Variants in ATP1B3 observed in about 807,000 individuals in gnomAD.
ATP1B3 encodes ATPase Na+/K+ transporting subunit beta 3, also known as sodium/potassium-transporting ATPase subunit beta-3.
A neutral mutation model predicts 30.2 loss-of-function variants in ATP1B3; 10 were observed. That is an observed-to-expected ratio of 0.33 (90% confidence interval 0.20 to 0.56). The LOEUF (loss-of-function observed/expected upper bound fraction) is 0.56, where lower values mean the gene tolerates loss of function less well. Among genes scored for constraint, ATP1B3 ranks in the 20% least tolerant of loss-of-function variants. The probability of loss-of-function intolerance (pLI) is 0.90; values close to 1 mark genes in which losing one functional copy is unlikely to be tolerated. For missense variants in ATP1B3, 238 were observed against 336.7 expected (o/e 0.71, Z 2.29); for synonymous variants, 113 against 117.0 (o/e 0.97, Z 0.22).
intron 1 of ATP1B3, among the ~76,000 whole-genome samples, chr3:141,902,691 G>A (rs1300331887): frequency 1.3e-5 from 2 of 152,140 alleles, no homozygotes; most frequent in East Asian, 1.9e-4. Context: ...ATGTTGAAAC[G>A]TGTGTCTCCC....
intron 1 of ATP1B3, among the ~76,000 whole-genome samples, chr3:141,885,923 A>AC (rs1491135453): frequency 1.4e-5 from 2 of 140,986 alleles, no homozygotes; most frequent in Non-Finnish European, 3.1e-5. Flanking sequence ...ACACACACAC[A>AC]CCCCTGTAGT....
intron 1 of ATP1B3, among the ~76,000 whole-genome samples, chr3:141,887,341 GTTCTT>G (rs1933855786): frequency 6.6e-6 from 1 of 152,122 alleles, no homozygotes; most frequent in Admixed American, 6.5e-5. Flanking sequence ...TCTTGGCTTT[GTTCTT>G]TTCTTATAAC....
chr3:141,922,862 A>G (rs1398801001), intron 6 of ATP1B3, among the ~76,000 whole-genome samples: 1 of 152,012 alleles, frequency 6.6e-6, no homozygotes, highest in Admixed American at 6.6e-5. Context: ...GCTGCTCGAG[A>G]GGGTGAGGCA....
At chr3:141,877,360 C>T (rs895537524) in intron 1 of ATP1B3, among the ~76,000 whole-genome samples, 2 of 152,120 alleles carry the variant, frequency 1.3e-5, no homozygotes, top group Non-Finnish European at 2.9e-5. Context: ...CCAGACCCTG[C>T]CCCACTCCAG....
intron 5 of ATP1B3, chr3:141,916,556 CAAAT>C (rs1446451303): frequency 9.3e-6 from 12 of 1,287,834 alleles, no homozygotes; most frequent in Admixed American, 2.3e-5. Flanking sequence ...GCCACTAAGA[CAAAT>C]AATGTAAAAG....
intron 1 of ATP1B3, among the ~76,000 whole-genome samples, chr3:141,901,882 A>C (rs1934168678): frequency 6.6e-6 from 1 of 152,192 alleles, no homozygotes; most frequent in Admixed American, 6.5e-5. Context: ...ATGGGTCAAC[A>C]AACTACTGTG....
At chr3:141,900,680 A>G (rs1934146234) in intron 1 of ATP1B3, among the ~76,000 whole-genome samples, 1 of 152,112 alleles carries the variant, frequency 6.6e-6, no homozygotes, top group Admixed American at 6.6e-5. Context: ...TTGTACGCCC[A>G]GTGTGGTTGA....
intron 1 of ATP1B3, among the ~76,000 whole-genome samples, chr3:141,901,553 G>A (rs1377579742): frequency 6.6e-6 from 1 of 152,104 alleles, no homozygotes; most frequent in Admixed American, 6.5e-5. Flanking sequence ...ATGGCCACTA[G>A]TATATGGCAT....
intron 5 of ATP1B3, among the ~76,000 whole-genome samples, chr3:141,917,005 C>T (rs559622675): frequency 7.6e-4 from 111 of 146,338 alleles, no homozygotes; most frequent in African/African-American, 2.5e-3. Flanking sequence ...GGACTACAGG[C>T]GCTCCCGGCT....
intron 5 of ATP1B3, chr3:141,916,659 AT>A: frequency 1.0e-6 from 1 of 983,930 alleles, no homozygotes; most frequent in South Asian, 1.4e-5. Flanking sequence ...TGGCAGAAAT[AT>A]TTTACTTAGA....
At chr3:141,903,454 T>C (rs571993305) in intron 1 of ATP1B3, among the ~76,000 whole-genome samples, 166 bp from the exon 2 acceptor site, 1 of 152,304 alleles carries the variant, frequency 6.6e-6, no homozygotes, top group East Asian at 1.9e-4. Flanking sequence ...TACCCCTTGC[T>C]TGGGCAAATT....
chr3:141,876,722 C>G lies in ATP1B3; in HGVS notation c.-80C>G, dbSNP rs150197806. The stretch of plus-strand genomic sequence containing the variant: ...CACTGCCGTCTCCGGGCTGCGCCGC[C>G]GGAGCCGGGACGCGCCTCCGCAGCC... On this transcript the variant is annotated 5_prime_UTR_variant, in exon 1 of 7. Transcript: ENST00000286371. The G allele has an allele frequency of 1.6e-3, 1,769 of 1,124,528 alleles. 25 individuals carry two copies. The African/African-American group carries it at 0.024, about 15-fold the overall frequency. The allele number at this position is 1,124,528 out of a possible 1,614,324, so 69.7% of individuals were successfully genotyped here. A position where few individuals can be genotyped will look rare whatever the true frequency, so the allele number is the denominator to read the frequency against.
chr3:141,913,625 T>C (rs374073474), intron 3 of ATP1B3, 27 bp from the exon 4 acceptor site: 2 of 1,582,888 alleles, frequency 1.3e-6, no homozygotes, highest in Non-Finnish European at 1.7e-6. Flanking sequence ...TTGGCTGATC[T>C]AGCACACATA....
intron 1 of ATP1B3, among the ~76,000 whole-genome samples, chr3:141,895,188 C>CTTTTTTTTTTT (rs1176839559): frequency 8.2e-6 from 1 of 121,436 alleles, no homozygotes. Flanking sequence ...TCTTTCTTTT[C>CTTTTTTTTTTT]TTTTTTTTTT....
chr3:141,909,651 T>C (rs915525950), intron 3 of ATP1B3, among the ~76,000 whole-genome samples: 8 of 152,282 alleles, frequency 5.3e-5, no homozygotes, highest in East Asian at 1.9e-4. Flanking sequence ...AGGGGCTGAA[T>C]GGAGTGAGCC....
intron 1 of ATP1B3, among the ~76,000 whole-genome samples, chr3:141,902,668 G>A (rs1934186512): frequency 6.6e-6 from 1 of 152,192 alleles, no homozygotes; most frequent in Non-Finnish European, 1.5e-5. Context: ...AAAGGAAAGA[G>A]ATTAAGCCCT....
At chr3:141,922,446 A>G (rs1436135366) in intron 6 of ATP1B3, among the ~76,000 whole-genome samples, 1 of 151,522 alleles carries the variant, frequency 6.6e-6, no homozygotes, top group Non-Finnish European at 1.5e-5. Context: ...TGAGGTCAGG[A>G]GTTTGAGACC....
Position 141,925,815 on chromosome 3 carries a change from A to G in ATP1B3, c.*114A>G, listed in dbSNP as rs1934649007. On this transcript the variant is annotated 3_prime_UTR_variant, in exon 7 of 7. Coordinates refer to ENST00000286371, the MANE Select transcript of ATP1B3 (RefSeq NM_001679.4). ...CACCTTGGAGAAAGGTGTGTGGTAC[A>G]TGACATTGGGTTACATCATAACGTG... 2 of 1,305,734 alleles carry G rather than the reference A, an allele frequency of 1.5e-6. No individual in the cohort carries two copies. The highest frequency in any genetic ancestry group is 3.0e-5 in the African/African-American group (2 of 67,712). 80.9% of individuals were successfully genotyped at this position (1,305,734 alleles called of 1,614,324 possible).
chr3:141,919,505 T>C (rs1336414679), intron 5 of ATP1B3, among the ~76,000 whole-genome samples: 1 of 152,230 alleles, frequency 6.6e-6, no homozygotes, highest in East Asian at 1.9e-4. Flanking sequence ...CAGTGTTTTA[T>C]TTTCTTATGA....
Sources: gnomAD v4.1 joint callset for allele counts (sites outside exome capture counted in the v4.1 genomes callset) on GRCh38, gnomAD v4.1.1 for gene constraint, MANE v1.5 for transcripts, NCBI Gene and HGNC (gene_info 2026-07-23, HGNC 2026-07-21) for gene names.